Variants in CCDC175 observed in about 807,000 individuals in gnomAD.
The protein encoded by CCDC175 is coiled-coil domain containing 175.
CCDC175 carries 100 observed loss-of-function variants against 114.6 expected under a neutral mutation model. That is an observed-to-expected ratio of 0.87 (90% CI 0.74 to 1.03). The LOEUF (loss-of-function observed/expected upper bound fraction) is 1.03. Ranked by LOEUF, CCDC175 falls within the 50% of genes least tolerant of loss-of-function variation. The pLI is 0.00. For missense variants in CCDC175, 880 were observed against 917.8 expected (o/e 0.96, Z 0.53); for synonymous variants, 306 against 308.7 (o/e 0.99, Z 0.09).
Position 59,533,671 on chromosome 14 carries a change from C to CATTCTT in CCDC175, c.1624-1762_1624-1761insAAGAAT, listed in dbSNP as rs770408080. Among the ~76,000 whole-genome samples the CATTCTT allele has an allele frequency of 7.0e-3, 1,072 of 152,210 alleles. 2 individuals carry two copies. Among genetic ancestry groups the CATTCTT allele is most frequent in the Non-Finnish European group, 9.9e-3 (671 of 68,014 alleles). ...AGCAGGAGTACATTTCTCCAGACTG[C>CATTCTT]AACATTTAAGCAGGTTGAGTTAAGA... On this transcript the variant is annotated intron_variant, in intron 13 of 19. Transcript: ENST00000537690.
chr14:59,556,673 C>T (rs1469047434), intron 7 of CCDC175, among the ~76,000 whole-genome samples: 1 of 152,130 alleles, frequency 6.6e-6, no homozygotes, highest in Non-Finnish European at 1.5e-5. Flanking sequence ...AGTGAATAGG[C>T]AACCTACAGA....
chr14:59,515,292 G>A (rs1323332017), intron 17 of CCDC175, among the ~76,000 whole-genome samples: 7 of 152,248 alleles, frequency 4.6e-5, no homozygotes, highest in East Asian at 3.9e-4. Flanking sequence ...CATCATAATG[G>A]CAGGATCAAA....
intron 17 of CCDC175, among the ~76,000 whole-genome samples, chr14:59,512,765 C>T (rs1021842373): frequency 1.3e-5 from 2 of 151,022 alleles, no homozygotes; most frequent in African/African-American, 2.4e-5. Context: ...CCAACATTGA[C>T]TTATAGATTC....
chr14:59,521,931 CAAAAG>C (rs1372154125), intron 16 of CCDC175, among the ~76,000 whole-genome samples: 2 of 152,092 alleles, frequency 1.3e-5, no homozygotes, highest in Admixed American at 1.3e-4. Context: ...AATTTTCCAC[CAAAAG>C]AAATTAGAAG....
At chr14:59,555,759 C>T (rs1427913173) in intron 7 of CCDC175, among the ~76,000 whole-genome samples, 3 of 152,204 alleles carry the variant, frequency 2.0e-5, no homozygotes, top group Non-Finnish European at 4.4e-5. Flanking sequence ...TAAGCAACTT[C>T]AGCAAAGTCT....
chr14:59,557,967 A>C (rs1292809235), intron 7 of CCDC175, among the ~76,000 whole-genome samples: 1 of 152,180 alleles, frequency 6.6e-6, no homozygotes, highest in Non-Finnish European at 1.5e-5. Context: ...AAGTGCTCCA[A>C]AGAACGCAAA....
chr14:59,556,084 G>A (rs1291245000), intron 7 of CCDC175, among the ~76,000 whole-genome samples: 4 of 152,260 alleles, frequency 2.6e-5, no homozygotes, highest in African/African-American at 9.6e-5. Flanking sequence ...TAAGCTACCA[G>A]TGACTTTCTT....
At chr14:59,539,333 T>A (rs539972729) in intron 11 of CCDC175, among the ~76,000 whole-genome samples, 3 of 152,314 alleles carry the variant, frequency 2.0e-5, no homozygotes, top group African/African-American at 7.2e-5. Context: ...ATCCCAGCAC[T>A]TTGGGAGGCC....
intron 10 of CCDC175, among the ~76,000 whole-genome samples, chr14:59,542,371 G>A (rs548068520): frequency 6.6e-6 from 1 of 152,078 alleles, no homozygotes; most frequent in Non-Finnish European, 1.5e-5. Flanking sequence ...GTCTTAATGT[G>A]TACAATGGTA....
intron 17 of CCDC175, among the ~76,000 whole-genome samples, chr14:59,515,176 T>C (rs1220292815): frequency 1.3e-5 from 2 of 151,972 alleles, no homozygotes; most frequent in Non-Finnish European, 2.9e-5. Flanking sequence ...GCACTAAACA[T>C]GGAAAGGAAC....
chr14:59,529,123 T>A (rs1893919706), intron 14 of CCDC175, among the ~76,000 whole-genome samples: 3 of 152,186 alleles, frequency 2.0e-5, no homozygotes, highest in South Asian at 2.1e-4. Flanking sequence ...GACCATCGAA[T>A]GTCGGTGCTG....
intron 19 of CCDC175, among the ~76,000 whole-genome samples, chr14:59,508,399 TACACACACACACACACACAC>T (rs71451066): frequency 1.0e-5 from 1 of 97,350 alleles, no homozygotes; most frequent in Non-Finnish European, 1.9e-5. Flanking sequence ...GTCTCCAAAA[TACACACACACACACACACAC>T]ACACACACAC....
In CCDC175 at chr14:59,572,698, G is replaced by A; in HGVS notation, c.355+4C>T. ...ATTTCTAGAGTTGATAACCTCAAAA[G>A]TACCTTCCAATTCCCTCTTAATGCT... On this transcript the variant is annotated splice_donor_region_variant and intron_variant, in intron 3 of 19. Coordinates refer to ENST00000537690, the MANE Select transcript of CCDC175 (RefSeq NM_001164399.2). 1 of 1,442,810 alleles carries A rather than the reference G, an allele frequency of 6.9e-7. No homozygotes were observed. Among genetic ancestry groups the A allele is most frequent in the Non-Finnish European group, 9.2e-7 (1 of 1,090,408 alleles). 89.4% of individuals were successfully genotyped at this position (1,442,810 alleles called of 1,614,324 possible).
At chr14:59,528,622 TA>T (rs779264770) in intron 14 of CCDC175, among the ~76,000 whole-genome samples, 2 of 152,170 alleles carry the variant, frequency 1.3e-5, no homozygotes, top group Admixed American at 6.5e-5. Flanking sequence ...TTCGTTTAAA[TA>T]AATTTTAACT....
At chr14:59,511,548 T>TAAAAAA (rs34490884) in intron 18 of CCDC175, among the ~76,000 whole-genome samples, 11,179 of 94,444 alleles carry the variant, frequency 0.12, 1,303 homozygotes, top group African/African-American at 0.22. Context: ...TGATATTTGG[T>TAAAAAA]AAAAAAAAAA....
At chr14:59,561,343 T>A in intron 6 of CCDC175, 115 bp from the exon 7 acceptor site, 1 of 493,580 alleles carries the variant, frequency 2.0e-6, no homozygotes, top group Non-Finnish European at 3.6e-6. Flanking sequence ...ATTAGGAGTG[T>A]ACTTCAAGGA....
chr14:59,529,278 C>T (rs973403273), intron 14 of CCDC175, among the ~76,000 whole-genome samples: 3 of 152,164 alleles, frequency 2.0e-5, no homozygotes, highest in African/African-American at 7.2e-5. Context: ...GAGGGGATCT[C>T]AGTGGGGATC....
At chr14:59,575,250 T>C (rs1438114526) in intron 1 of CCDC175, among the ~76,000 whole-genome samples, 2 of 151,612 alleles carry the variant, frequency 1.3e-5, no homozygotes, top group East Asian at 1.9e-4. Context: ...GTGCTGGAGA[T>C]TTACATATTA....
At chr14:59,554,019 T>C (rs1375771221) in intron 7 of CCDC175, among the ~76,000 whole-genome samples, 2 of 152,060 alleles carry the variant, frequency 1.3e-5, no homozygotes, top group African/African-American at 2.4e-5. Context: ...AATAATGGGA[T>C]ACTTTAACAC....
Sources: allele counts gnomAD v4.1 joint callset (sites outside exome capture counted in the v4.1 genomes callset), GRCh38; gene constraint gnomAD v4.1.1; transcripts MANE v1.5; gene names NCBI Gene and HGNC (gene_info 2026-07-23, HGNC 2026-07-21).